Variants in PTPN22 observed in about 807,000 individuals in gnomAD.
PTPN22 encodes the protein tyrosine-protein phosphatase non-receptor type 22.
Under a neutral mutation model 103.3 loss-of-function variants are expected in PTPN22, and 85 were observed. The ratio of observed to expected loss-of-function variants is 0.82; its 90% confidence interval spans 0.69 to 0.99. The LOEUF is 0.99. Ranked by LOEUF, PTPN22 falls within the 50% of genes least tolerant of loss-of-function variation. The probability of loss-of-function intolerance (pLI) is 0.00; values close to 1 mark genes in which losing one functional copy is unlikely to be tolerated. For missense variants in PTPN22, 865 were observed against 936.9 expected, an observed-to-expected ratio of 0.92 and a Z score of 1.00; for synonymous variants, 323 against 310.2, an observed-to-expected ratio of 1.04 and a Z score of -0.43.
At chr1:113,849,384 A>G (rs1664352930) in intron 10 of PTPN22, among the ~76,000 whole-genome samples, 1 of 152,174 alleles carries the variant, frequency 6.6e-6, no homozygotes, top group Admixed American at 6.5e-5. Flanking sequence ...GTACTTTCTC[A>G]AGCACTTAAT....
At chr1:113,851,901 A>T (rs111683316) in intron 10 of PTPN22, 126 bp downstream of exon 10, 4 of 528,842 alleles carry the variant, frequency 7.6e-6, no homozygotes, top group African/African-American at 3.9e-5. Context: ...ATGGCAATGG[A>T]CTCTAGAGCA....
chr1:113,865,116 G>A (rs190721431), intron 1 of PTPN22, among the ~76,000 whole-genome samples: 11 of 152,188 alleles, frequency 7.2e-5, no homozygotes, highest in Non-Finnish European at 2.9e-5. Flanking sequence ...GGAGGTAAAT[G>A]AAGTTCTATT....
chr1:113,859,352 A>G (rs1054685812), exon 2 of PTPN22: 29 of 1,606,814 alleles, frequency 1.8e-5, no homozygotes, highest in African/African-American at 4.0e-5. Context: ...TGGAACTTAC[A>G]GGGCAAAATA....
chr1:113,819,375 A>C (rs928334133), intron 20 of PTPN22: 7 of 318,338 alleles, frequency 2.2e-5, no homozygotes, highest in African/African-American at 1.5e-4. Flanking sequence ...TTTATTTTCC[A>C]CATATACTAG....
exon 17 of PTPN22, chr1:113,829,991 G>A: frequency 6.2e-7 from 1 of 1,608,212 alleles, no homozygotes; most frequent in Non-Finnish European, 8.5e-7. Context: ...GTTCTTTCTG[G>A]GAGAGGAGGT....
At chr1:113,858,893 C>T in intron 3 of PTPN22, 109 bp downstream of exon 3, 1 of 1,468,468 alleles carries the variant, frequency 6.8e-7, no homozygotes, top group African/African-American at 1.4e-5. Context: ...TCCGCCTCAG[C>T]CTCCCAAAGT....
intron 19 of PTPN22, among the ~76,000 whole-genome samples, chr1:113,824,598 A>C (rs757481506): frequency 6.6e-5 from 10 of 152,198 alleles, no homozygotes; most frequent in Non-Finnish European, 1.3e-4. Context: ...ACATTTGTTC[A>C]CAATATGCTT....
At chr1:113,834,527 GA>G (rs1662812763) in intron 14 of PTPN22, 88 bp from the exon 15 acceptor site, 2 of 1,320,096 alleles carry the variant, frequency 1.5e-6, no homozygotes, top group African/African-American at 1.5e-5. Context: ...ATAAAACATT[GA>G]AAGGACCTGA....
At chr1:113,820,211 T>C (rs1422264854) in intron 19 of PTPN22, among the ~76,000 whole-genome samples, 1 of 152,152 alleles carries the variant, frequency 6.6e-6, no homozygotes, top group African/African-American at 2.4e-5. Context: ...CCCAGTACTT[T>C]GGGAGGCTGA....
At chr1:113,863,779 ATC>A (rs1665839433) in intron 1 of PTPN22, among the ~76,000 whole-genome samples, 1 of 152,026 alleles carries the variant, frequency 6.6e-6, no homozygotes, top group African/African-American at 2.4e-5. Flanking sequence ...CTTCTAATGA[ATC>A]TCCAGAAGTT....
At chr1:113,837,322 C>A (rs577481871) in intron 13 of PTPN22, among the ~76,000 whole-genome samples, 2 of 151,454 alleles carry the variant, frequency 1.3e-5, no homozygotes, top group African/African-American at 2.4e-5. Context: ...TGGTGGCGCG[C>A]GCCTGTAATC....
intron 18 of PTPN22, among the ~76,000 whole-genome samples, chr1:113,828,160 G>A (rs923345759): frequency 8.0e-5 from 12 of 149,534 alleles, no homozygotes; most frequent in African/African-American, 2.7e-4. Flanking sequence ...CCCTTTGGCT[G>A]TGGTGCCAGT....
intron 18 of PTPN22, among the ~76,000 whole-genome samples, chr1:113,827,764 G>A (rs1662215270): frequency 6.6e-6 from 1 of 152,054 alleles, no homozygotes. Context: ...GAGTCTAGAA[G>A]TTGGCAACAT....
chr1:113,831,797 T>C (rs1351704391), intron 16 of PTPN22, among the ~76,000 whole-genome samples: 1 of 152,230 alleles, frequency 6.6e-6, no homozygotes, highest in Non-Finnish European at 1.5e-5. Flanking sequence ...ACACAGATTA[T>C]CACTTAGTGG....
intron 16 of PTPN22, among the ~76,000 whole-genome samples, chr1:113,832,106 G>C (rs1023603151): frequency 1.3e-5 from 2 of 152,134 alleles, no homozygotes; most frequent in African/African-American, 2.4e-5. Flanking sequence ...ATTTAACCAA[G>C]TTTATGCATG....
chr1:113,857,874 T>A, intron 4 of PTPN22, 98 bp from the exon 5 acceptor site: 1 of 1,153,880 alleles, frequency 8.7e-7, no homozygotes, highest in South Asian at 1.6e-5. Flanking sequence ...AACCGTTCTT[T>A]TTTCTGTTTT....
At chr1:113,856,673 C>T (rs572033407) in intron 5 of PTPN22, 54 bp from the exon 6 acceptor site, 9 of 1,611,490 alleles carry the variant, frequency 5.6e-6, no homozygotes, top group Non-Finnish European at 7.6e-6. Flanking sequence ...TAGTCTTTTC[C>T]ACTCTCTCAT....
intron 18 of PTPN22, among the ~76,000 whole-genome samples, chr1:113,826,342 C>CT (rs1353875270): frequency 2.8e-5 from 4 of 140,846 alleles, no homozygotes; most frequent in Admixed American, 7.6e-5. Context: ...AAGACCCTGT[C>CT]TAAAAAAGAA....
intron 13 of PTPN22, among the ~76,000 whole-genome samples, chr1:113,836,783 A>G (rs865803708): frequency 6.6e-6 from 1 of 151,652 alleles, no homozygotes. Context: ...AAAATTAGCC[A>G]GGCATGGTGG....
Sources: gnomAD v4.1 joint callset for allele counts (sites outside exome capture counted in the v4.1 genomes callset) on GRCh38, gnomAD v4.1.1 for gene constraint, MANE v1.5 for transcripts, NCBI Gene and HGNC (gene_info 2026-07-23, HGNC 2026-07-21) for gene names.